The following AFF4 variants were observed in gnomAD, a reference collection of about 807,000 sequenced individuals.
The protein encoded by AFF4 is ALF transcription elongation factor 4.
AFF4 carries 13 observed loss-of-function variants against 124.8 expected under a neutral mutation model. The observed-to-expected ratio is 0.10, with a 90% CI of 0.07 to 0.17. AFF4 has a LOEUF of 0.17. Ranked by LOEUF, AFF4 falls within the 10% of genes least tolerant of loss-of-function variation. The pLI, the probability that AFF4 is intolerant of heterozygous loss-of-function variation, is 1.00. For synonymous variants in AFF4, 477 were observed against 496.1 expected (o/e 0.96, Z 0.51); for missense variants, 1,092 against 1,403.8 (o/e 0.78, Z 3.55).
In AFF4 at chr5:132,913,956, G is replaced by A. The variant is rs144740725; in HGVS notation, c.1051-9552C>T. Among the ~76,000 whole-genome samples the A allele has an allele frequency of 6.4e-4, 97 of 152,234 alleles. No homozygotes were observed. In the East Asian group the frequency reaches 0.012, roughly 19 times the overall value. Reference sequence around the variant, plus strand: ...AAAAACAAGAAATTAGGCCAGACACGGAGGCTCACCCCTGTAATCCCAGCA... The same window carrying A: ...AAAAACAAGAAATTAGGCCAGACACAGAGGCTCACCCCTGTAATCCCAGCA... On this transcript the variant is annotated intron_variant, in intron 5 of 20. Coordinates refer to ENST00000265343, the MANE Select transcript of AFF4 (RefSeq NM_014423.4).
chr5:132,952,584 A>C (rs1761870535), intron 1 of AFF4, among the ~76,000 whole-genome samples: 1 of 152,112 alleles, frequency 6.6e-6, no homozygotes, highest in Non-Finnish European at 1.5e-5. Context: ...CTCTCCTTAC[A>C]TTCCCAAAGC....
chr5:132,886,521 C>T, intron 17 of AFF4, 118 bp from the exon 18 acceptor site: 2 of 843,218 alleles, frequency 2.4e-6, no homozygotes, highest in Non-Finnish European at 3.8e-6. Context: ...TAGGCCACAA[C>T]ATTAACCGTT....
At chr5:132,927,538 A>C (rs1329541732) in intron 4 of AFF4, 2 of 244,780 alleles carry the variant, frequency 8.2e-6, no homozygotes, top group Non-Finnish European at 1.6e-5. Flanking sequence ...GGAAGGGACA[A>C]TGATAAGGAA....
At chr5:132,952,917 A>C (rs564635680) in intron 1 of AFF4, among the ~76,000 whole-genome samples, 3 of 151,480 alleles carry the variant, frequency 2.0e-5, no homozygotes, top group Admixed American at 6.6e-5. Flanking sequence ...ACAAAAAAAA[A>C]CACAACTCTA....
rs1223382119 is a variant in AFF4 at position 132,881,018 on chromosome 5, G to C, written c.*41C>G. ...CAGTTTTCCTTCGTGATGTGACACA[G>C]TGTTGTGGAGAAAATCAGAGGCAAC... On this transcript the variant is annotated 3_prime_UTR_variant, in exon 21 of 21. Transcript: ENST00000265343. The C allele has an allele frequency of 1.2e-6, 2 of 1,603,798 alleles. No individual in the cohort carries two copies. The highest frequency in any genetic ancestry group is 1.7e-6 in the Non-Finnish European group (2 of 1,175,798).
chr5:132,939,079 G>A (rs1761505092), intron 1 of AFF4, among the ~76,000 whole-genome samples: 1 of 150,970 alleles, frequency 6.6e-6, no homozygotes, highest in Non-Finnish European at 1.5e-5. Context: ...ATTTAGCCAG[G>A]TGTGGTGGTG....
intron 7 of AFF4, chr5:132,901,236 G>C (rs1017550952): frequency 5.0e-6 from 4 of 801,390 alleles, no homozygotes; most frequent in African/African-American, 1.9e-5. Flanking sequence ...GCTTTTACCA[G>C]ACTGCTCAGG....
chr5:132,884,115 A>G (rs935385271), intron 19 of AFF4, among the ~76,000 whole-genome samples: 17 of 152,248 alleles, frequency 1.1e-4, no homozygotes, highest in African/African-American at 3.9e-4. Context: ...CTTAGAAAAC[A>G]TACATGTTGA....
intron 1 of AFF4, among the ~76,000 whole-genome samples, chr5:132,955,273 G>C (rs1761927068): frequency 6.6e-6 from 1 of 151,942 alleles, no homozygotes; most frequent in Admixed American, 6.6e-5. Context: ...AGTGGTTATG[G>C]AAAAGGAAAC....
At chr5:132,952,725 C>G (rs938044190) in intron 1 of AFF4, among the ~76,000 whole-genome samples, 3 of 152,102 alleles carry the variant, frequency 2.0e-5, no homozygotes, top group Admixed American at 2.0e-4. Context: ...GAAACTCCGT[C>G]TCTGCTAAAA....
chr5:132,887,585 T>C lies in AFF4; in HGVS notation c.2941A>G (p.Met981Val). The C allele has an allele frequency of 6.2e-7, 1 of 1,612,988 alleles. No individual in the cohort carries two copies. Among genetic ancestry groups the C allele is most frequent in the Non-Finnish European group, 8.5e-7 (1 of 1,178,988 alleles). Residue 981 changes from methionine to valine, a missense_variant, in exon 17 of 21, where the codon ATG becomes GTG. Physicochemically the swap from Met to Val is conservative, Grantham distance 21. Coordinates refer to ENST00000265343, the MANE Select transcript of AFF4 (RefSeq NM_014423.4). Reference sequence around the variant, plus strand: ...GGTGCCAAGTAATTCTTTAGCTTCATAGTGTATCTGTTGAGTTACAATAAC... The same window carrying C: ...GGTGCCAAGTAATTCTTTAGCTTCACAGTGTATCTGTTGAGTTACAATAAC... ...SETVDLIKYT[M>V]KLKNYLAPDA... is the part of the protein sequence containing the mutation.
intron 1 of AFF4, among the ~76,000 whole-genome samples, chr5:132,962,852 G>C (rs1010403584): frequency 2.9e-4 from 43 of 150,398 alleles, no homozygotes; most frequent in Admixed American, 1.3e-4. Context: ...AGGTGCGCAG[G>C]ATCGCGAGAA....
chr5:132,942,216 C>G (rs1761587144), intron 1 of AFF4, among the ~76,000 whole-genome samples: 1 of 152,102 alleles, frequency 6.6e-6, no homozygotes, highest in Non-Finnish European at 1.5e-5. Flanking sequence ...GTTCTGCAAC[C>G]CCTTCCTTCA....
intron 1 of AFF4, among the ~76,000 whole-genome samples, chr5:132,948,951 G>A (rs1761764931): frequency 2.6e-5 from 4 of 152,020 alleles, no homozygotes; most frequent in African/African-American, 9.7e-5. Flanking sequence ...AAACTGTGCT[G>A]ATTCCACACA....
intron 1 of AFF4, among the ~76,000 whole-genome samples, chr5:132,956,228 C>T (rs962791546): frequency 6.6e-6 from 1 of 152,088 alleles, no homozygotes; most frequent in Admixed American, 6.6e-5. Context: ...GTCACAATTA[C>T]TAAATTCTGC....
At chr5:132,949,455 C>A (rs1761778984) in intron 1 of AFF4, among the ~76,000 whole-genome samples, 1 of 151,982 alleles carries the variant, frequency 6.6e-6, no homozygotes, top group Admixed American at 6.6e-5. Context: ...GGTGGAAGGA[C>A]CGCTTGAGCC....
chr5:132,905,879 G>A (rs1053478198), intron 5 of AFF4, among the ~76,000 whole-genome samples: 1 of 152,168 alleles, frequency 6.6e-6, no homozygotes, highest in Non-Finnish European at 1.5e-5. Flanking sequence ...TGCAAATGAT[G>A]TATCTGATAA....
intron 1 of AFF4, among the ~76,000 whole-genome samples, chr5:132,944,484 A>G (rs1005925566): frequency 3.3e-5 from 5 of 152,046 alleles, no homozygotes; most frequent in African/African-American, 1.2e-4. Flanking sequence ...CATCTCTACA[A>G]AAAATACAAA....
At chr5:132,953,017 G>A (rs1761879916) in intron 1 of AFF4, among the ~76,000 whole-genome samples, 1 of 152,006 alleles carries the variant, frequency 6.6e-6, no homozygotes, top group Non-Finnish European at 1.5e-5. Context: ...GTTTGACAAT[G>A]CCCTTTGGCT....
Sources: allele counts gnomAD v4.1 joint callset (sites outside exome capture counted in the v4.1 genomes callset), GRCh38; gene constraint gnomAD v4.1.1; transcripts MANE v1.5; gene names NCBI Gene and HGNC (gene_info 2026-07-23, HGNC 2026-07-21).